The following RELN variants were observed in gnomAD, a reference collection of about 807,000 sequenced individuals.
RELN encodes the protein reelin.
In RELN, 108 loss-of-function variants were observed where a neutral mutation model predicts 427.6. The ratio of observed to expected loss-of-function variants is 0.25; its 90% CI spans 0.22 to 0.30. The LOEUF is 0.30. Ranked by LOEUF, RELN falls within the 10% of genes least tolerant of loss-of-function variation. The pLI is 1.00. For synonymous variants in RELN, 1,524 were observed against 1,513.4 expected (o/e 1.01, Z -0.16); for missense variants, 3,715 against 4,302.8 (o/e 0.86, Z 3.82).
intron 2 of RELN, among the ~76,000 whole-genome samples, chr7:103,890,816 G>A (rs1039861289): frequency 3.9e-5 from 6 of 152,148 alleles, no homozygotes; most frequent in African/African-American, 1.2e-4. Context: ...GATGGCCCAC[G>A]CCTGTAATCC....
chr7:103,486,170 T>A (rs370680881), intron 61 of RELN, 27 bp downstream of exon 61: 5 of 1,604,572 alleles, frequency 3.1e-6, no homozygotes, highest in Non-Finnish European at 4.3e-6. Flanking sequence ...ATTCTATGTC[T>A]GGACTAAAAT....
chr7:103,883,896 T>G (rs1212492974), intron 2 of RELN, among the ~76,000 whole-genome samples: 1 of 152,200 alleles, frequency 6.6e-6, no homozygotes, highest in Non-Finnish European at 1.5e-5. Context: ...CCTGTCAAGT[T>G]GCCATTGACT....
At position 103,545,271 on chromosome 7, in the gene RELN, C is replaced by T. The variant is rs1830267448; in HGVS notation, c.6376G>A (p.Val2126Ile). The T allele has an allele frequency of 3.7e-6, 6 of 1,614,070 alleles. No homozygotes were observed. The highest frequency in any genetic ancestry group is 5.1e-6 in the Non-Finnish European group (6 of 1,179,932). ...TCCTCACACTGGGGACCGATGTAGA[C>T]ATTATCAATGGCCCATGTCACTGGC... ...SQPVTWAIDN[V>I]YIGPQCEEMC... Residue 2126 changes from valine (V) to isoleucine (I), a missense_variant, in exon 42 of 65, where the codon GTC (valine) becomes ATC (isoleucine). Transcript: ENST00000428762.
intron 13 of RELN, among the ~76,000 whole-genome samples, chr7:103,653,677 G>C (rs1832968842): frequency 6.6e-6 from 1 of 152,034 alleles, no homozygotes; most frequent in Non-Finnish European, 1.5e-5. Flanking sequence ...GGTAGCTCTA[G>C]TTAGCAAAGA....
intron 63 of RELN, among the ~76,000 whole-genome samples, chr7:103,480,996 A>G (rs1828212990): frequency 6.6e-6 from 1 of 152,216 alleles, no homozygotes; most frequent in East Asian, 1.9e-4. Flanking sequence ...TTCCAACACC[A>G]GGTGACCTGG....
intron 16 of RELN, among the ~76,000 whole-genome samples, chr7:103,644,519 G>A (rs1832758264): frequency 6.7e-6 from 1 of 149,750 alleles, no homozygotes; most frequent in Admixed American, 6.7e-5. Flanking sequence ...ACTAGACCAA[G>A]CAGAAGAAAT....
chr7:103,628,539 C>T (rs1313695956), intron 20 of RELN, among the ~76,000 whole-genome samples: 1 of 152,172 alleles, frequency 6.6e-6, no homozygotes, highest in Non-Finnish European at 1.5e-5. Flanking sequence ...CATTTTGATG[C>T]TAGAATTTTA....
At chr7:103,964,174 A>ATAC (rs927386722) in intron 1 of RELN, among the ~76,000 whole-genome samples, 3 of 152,064 alleles carry the variant, frequency 2.0e-5, no homozygotes, top group African/African-American at 7.2e-5. Flanking sequence ...AATAATAATA[A>ATAC]TAGTAATAAT....
chr7:103,726,348 C>A (rs1340777145), intron 7 of RELN, among the ~76,000 whole-genome samples: 1 of 152,072 alleles, frequency 6.6e-6, no homozygotes, highest in Non-Finnish European at 1.5e-5. Context: ...TTGAATCTCA[C>A]CATACAAATT....
intron 3 of RELN, among the ~76,000 whole-genome samples, chr7:103,822,110 T>C (rs930837488): frequency 6.6e-6 from 1 of 152,092 alleles, no homozygotes; most frequent in African/African-American, 2.4e-5. Context: ...ATAGGTTATC[T>C]TATAATTCCA....
chr7:103,844,789 A>C (rs1793635032), intron 2 of RELN, among the ~76,000 whole-genome samples: 1 of 152,204 alleles, frequency 6.6e-6, no homozygotes, highest in African/African-American at 2.4e-5. Flanking sequence ...ATTTCATGTA[A>C]AGTGATTAGG....
At chr7:103,961,908 A>G (rs1206293656) in intron 1 of RELN, among the ~76,000 whole-genome samples, 1 of 152,178 alleles carries the variant, frequency 6.6e-6, no homozygotes, top group Non-Finnish European at 1.5e-5. Context: ...GAGTTTTCCA[A>G]ACTCCATTGG....
At chr7:103,856,801 C>A (rs1793958833) in intron 2 of RELN, among the ~76,000 whole-genome samples, 1 of 151,834 alleles carries the variant, frequency 6.6e-6, no homozygotes, top group African/African-American at 2.4e-5. Context: ...TTACTAGATT[C>A]TTCTATTAGC....
intron 45 of RELN, 91 bp from the exon 46 acceptor site, chr7:103,535,575 C>A: frequency 7.9e-7 from 1 of 1,259,130 alleles, no homozygotes; most frequent in Non-Finnish European, 1.1e-6. Flanking sequence ...GTTTTAGTTT[C>A]ATTCAAATGT....
chr7:103,652,917 A>G (rs868511504), intron 13 of RELN, among the ~76,000 whole-genome samples, 158 bp from the exon 14 acceptor site: 5 of 152,054 alleles, frequency 3.3e-5, no homozygotes, highest in Non-Finnish European at 7.4e-5. Context: ...CATGAAGAAG[A>G]TGCTATCCTC....
intron 2 of RELN, among the ~76,000 whole-genome samples, chr7:103,881,805 T>C (rs984094497): frequency 1.3e-5 from 2 of 152,100 alleles, no homozygotes; most frequent in African/African-American, 4.8e-5. Flanking sequence ...ACATCACGAA[T>C]GAATAAATGT....
chr7:103,617,518 G>GTA (rs911361610), intron 20 of RELN, among the ~76,000 whole-genome samples: 1 of 151,294 alleles, frequency 6.6e-6, no homozygotes, highest in African/African-American at 2.4e-5. Context: ...ATGTGTGTGT[G>GTA]TATATATATG....
At chr7:103,720,661 T>C (rs567874204) in intron 8 of RELN, among the ~76,000 whole-genome samples, 5 of 152,210 alleles carry the variant, frequency 3.3e-5, no homozygotes, top group African/African-American at 1.2e-4. Flanking sequence ...GAACTGAGTA[T>C]AAATAAAATG....
Position 103,786,517 on chromosome 7 carries a change from CAAAA to C in RELN, c.474-9894_474-9891del, listed in dbSNP as rs66567252. Among the ~76,000 whole-genome samples, 316 of 98,574 alleles carry C rather than the reference CAAAA, an allele frequency of 3.2e-3. 4 individuals carry two copies. Among genetic ancestry groups the C allele is most frequent in the African/African-American group, 0.012 (300 of 25,722 alleles). 64.7% of individuals were successfully genotyped at this position (98,574 alleles called of 152,430 possible). ...GAAAGATTTACCAAGAAAATGGAAC[CAAAA>C]AAAAAAAAAAAAAAAGCAAGGGTTG... On this transcript the variant is annotated intron_variant, in intron 3 of 64. Coordinates refer to ENST00000428762, the MANE Select transcript of RELN (RefSeq NM_005045.4).
Sources: gnomAD v4.1 joint callset for allele counts (sites outside exome capture counted in the v4.1 genomes callset) on GRCh38, gnomAD v4.1.1 for gene constraint, MANE v1.5 for transcripts, NCBI Gene and HGNC (gene_info 2026-07-23, HGNC 2026-07-21) for gene names.